The following CLMN variants were observed in gnomAD, a reference collection of about 807,000 sequenced individuals.
CLMN encodes calmin, also known as calmin (calponin-like, transmembrane).
A neutral mutation model predicts 92.7 loss-of-function variants in CLMN; 57 were observed. That is an observed-to-expected ratio of 0.61 (90% CI 0.50 to 0.77). CLMN has a LOEUF of 0.77. CLMN is among the 30% of genes least tolerant of loss of function. The pLI, the probability that CLMN is intolerant of heterozygous loss-of-function variation, is 0.00. For synonymous variants in CLMN, 466 were observed against 470.6 expected, an observed-to-expected ratio of 0.99 and a Z score of 0.13; for missense variants, 1,158 against 1,237.5, an observed-to-expected ratio of 0.94 and a Z score of 0.96.
intron 12 of CLMN, chr14:95,192,522 A>T (rs999961480): frequency 6.6e-6 from 1 of 152,188 alleles, no homozygotes. Context: ...AGATTACGAG[A>T]GGCTAAAACC....
chr14:95,193,171 C>A, intron 12 of CLMN: 6 of 566,480 alleles, frequency 1.1e-5, no homozygotes, highest in South Asian at 4.8e-5. Flanking sequence ...CATAATAAAG[C>A]AACTCTATGA....
In CLMN at chr14:95,230,135, T is replaced by A. The variant is rs768792634; in HGVS notation, c.83-2A>T. 3 of 1,613,916 alleles carry A rather than the reference T, an allele frequency of 1.9e-6. No individual in the cohort carries two copies. The highest frequency in any genetic ancestry group is 2.5e-6 in the Non-Finnish European group (3 of 1,179,784). On this transcript the variant is annotated splice_acceptor_variant, in intron 1 of 12. Transcript: ENST00000298912. LOFTEE classifies it high-confidence loss of function. ...TCTTCTGCACATTTTCCCTCTCAAC[T>A]GAAAACAAAGACATACCATCAGCTG...
intron 1 of CLMN, among the ~76,000 whole-genome samples, chr14:95,280,209 A>T (rs1156781282): frequency 1.3e-5 from 2 of 152,236 alleles, no homozygotes; most frequent in African/African-American, 4.8e-5. Flanking sequence ...TAACAAAAAA[A>T]TTCTAAAGGG....
chr14:95,256,554 A>T lies in CLMN; in HGVS notation c.83-26421T>A, dbSNP rs1566898124. 1.3e-5 allele frequency among the ~76,000 whole-genome samples: 2 copies of T among 152,296 alleles called. No homozygotes were observed. The highest frequency in any genetic ancestry group is 6.5e-5 in the Admixed American group (1 of 15,306). The stretch of plus-strand genomic sequence containing the variant: ...CTGGGCCCACGGCAGGGTAACTGCC[A>T]CCAGCTTGCTGAGTGTGGCTCTGCA... On this transcript the variant is annotated intron_variant, in intron 1 of 12. Coordinates refer to ENST00000298912, the MANE Select transcript of CLMN (RefSeq NM_024734.4). The surrounding 1 kb of genome is among the most constrained non-coding windows in gnomAD (Gnocchi z 4.9).
intron 9 of CLMN, among the ~76,000 whole-genome samples, chr14:95,197,095 T>C (rs939289055): frequency 2.0e-5 from 3 of 152,136 alleles, no homozygotes; most frequent in Non-Finnish European, 4.4e-5. Context: ...CTATAAATAA[T>C]GTCTCTAATT....
At chr14:95,304,250 T>A (rs1355577011) in intron 1 of CLMN, among the ~76,000 whole-genome samples, 1 of 152,004 alleles carries the variant, frequency 6.6e-6, no homozygotes, top group African/African-American at 2.4e-5. Flanking sequence ...GCAGGAGGTT[T>A]GATTGAGCCT....
chr14:95,295,572 T>G (rs1024516188), intron 1 of CLMN, among the ~76,000 whole-genome samples: 1 of 152,188 alleles, frequency 6.6e-6, no homozygotes, highest in African/African-American at 2.4e-5. Flanking sequence ...GAAGGGACAC[T>G]GGACTAGCCC....
intron 6 of CLMN, 141 bp from the exon 7 acceptor site, chr14:95,211,020 G>T: frequency 1.4e-6 from 1 of 695,996 alleles, no homozygotes; most frequent in Non-Finnish European, 2.2e-6. Context: ...CTTCATCCCT[G>T]AGCATGGGAG....
In CLMN at chr14:95,194,043, C is replaced by T. The variant is rs73333233; in HGVS notation, c.2770-124G>A. The T allele has an allele frequency of 7.3e-3, 10,861 of 1,491,758 alleles. 687 individuals are homozygous for T. The African/African-American group carries it at 0.14, about 19-fold the overall frequency. The allele number at this position is 1,491,758 out of a possible 1,614,324, so 92.4% of individuals were successfully genotyped here. A position where few individuals can be genotyped will look rare whatever the true frequency, so the allele number is the denominator to read the frequency against. On this transcript the variant is annotated intron_variant, in intron 11 of 12. Coordinates refer to ENST00000298912, the MANE Select transcript of CLMN (RefSeq NM_024734.4). The surrounding 1 kb of genome is among the most constrained non-coding windows in gnomAD (Gnocchi z 4.0). The stretch of plus-strand genomic sequence containing the variant: ...GCATGCCGGGCATTTCTCAATACCG[C>T]CAGCGTCTAGATCCAAAATCAAAGT...
At chr14:95,297,756 C>T (rs541434222) in intron 1 of CLMN, among the ~76,000 whole-genome samples, 36 of 151,450 alleles carry the variant, frequency 2.4e-4, no homozygotes, top group African/African-American at 7.0e-4. Context: ...GATCCCTTTG[C>T]CAGTACAGGG....
At chr14:95,313,104 G>T (rs1049039525) in intron 1 of CLMN, among the ~76,000 whole-genome samples, 4 of 152,292 alleles carry the variant, frequency 2.6e-5, no homozygotes, top group East Asian at 1.9e-4. Context: ...TACTCGAGAG[G>T]CTAAAGCAGG....
chr14:95,191,518 C>A lies in CLMN; in HGVS notation c.*46G>T. The stretch of plus-strand genomic sequence containing the variant: ...AACCCAAAATAAAATGAAGTAACCC[C>A]GCCCCTGGTCAGGGTCCTGTCTTTT... On this transcript the variant is annotated 3_prime_UTR_variant, in exon 13 of 13. Coordinates refer to ENST00000298912, the MANE Select transcript of CLMN (RefSeq NM_024734.4). The surrounding 1 kb of genome is among the most constrained non-coding windows in gnomAD (Gnocchi z 5.3). 6.5e-7 allele frequency: 1 copy of A among 1,530,484 alleles called. No homozygotes were observed. The allele number at this position is 1,530,484 out of a possible 1,614,324, so 94.8% of individuals were successfully genotyped here.
At chr14:95,213,152 TCTC>T in intron 6 of CLMN, 64 bp downstream of exon 6, 1 of 1,520,506 alleles carries the variant, frequency 6.6e-7, no homozygotes, top group Non-Finnish European at 9.0e-7. Flanking sequence ...AAATACTAAT[TCTC>T]CTTTCCTCTG....
intron 2 of CLMN, among the ~76,000 whole-genome samples, chr14:95,226,444 G>A (rs1169424562): frequency 1.3e-5 from 2 of 152,090 alleles, no homozygotes; most frequent in Non-Finnish European, 2.9e-5. Context: ...GAGAAGGAGG[G>A]ATGACTACAT....
At chr14:95,238,900 C>G (rs1898149785) in intron 1 of CLMN, among the ~76,000 whole-genome samples, 1 of 152,196 alleles carries the variant, frequency 6.6e-6, no homozygotes, top group South Asian at 2.1e-4. Flanking sequence ...TAACCCAGGG[C>G]TCCAAAGAGC....
At chr14:95,273,114 T>C (rs1899779467) in intron 1 of CLMN, among the ~76,000 whole-genome samples, 1 of 152,116 alleles carries the variant, frequency 6.6e-6, no homozygotes, top group Admixed American at 6.5e-5. Flanking sequence ...CCACGGACAG[T>C]GAGGATGAGT....
At chr14:95,220,196 A>C (rs1250873649) in intron 4 of CLMN, among the ~76,000 whole-genome samples, 2 of 19,302 alleles carry the variant, frequency 1.0e-4, no homozygotes, top group African/African-American at 4.8e-4. Context: ...TTTTTTTTTG[A>C]GACAAAGTCT....
At chr14:95,205,088 A>G (rs17091914) in intron 8 of CLMN, among the ~76,000 whole-genome samples, 16,987 of 152,222 alleles carry the variant, frequency 0.11, 1,496 homozygotes, top group African/African-American at 0.24. Flanking sequence ...CGATAGTGTG[A>G]ATTGACTTCA....
At chr14:95,269,118 G>A (rs1160041265) in intron 1 of CLMN, among the ~76,000 whole-genome samples, 1 of 152,026 alleles carries the variant, frequency 6.6e-6, no homozygotes, top group Non-Finnish European at 1.5e-5. Flanking sequence ...ACAACCATAT[G>A]TAAATCAACA....
Sources: gnomAD v4.1 joint callset for allele counts (sites outside exome capture counted in the v4.1 genomes callset) on GRCh38, gnomAD v4.1.1 for gene constraint, Gnocchi (gnomAD v3.1) non-coding constraint, MANE v1.5 for transcripts, NCBI Gene and HGNC (gene_info 2026-07-23, HGNC 2026-07-21) for gene names.